Variants in AGAP1 observed in about 807,000 individuals in gnomAD.
AGAP1 encodes arf-GAP with GTPase, ANK repeat and PH domain-containing protein 1.
AGAP1 carries 29 observed loss-of-function variants against 105.3 expected under a neutral mutation model. The observed-to-expected ratio is 0.28, with a 90% CI of 0.21 to 0.38. The LOEUF (loss-of-function observed/expected upper bound fraction) is 0.38, where lower values mean the gene tolerates loss of function less well. Ranked by LOEUF, AGAP1 falls within the 10% of genes least tolerant of loss-of-function variation. The pLI, the probability that AGAP1 is intolerant of heterozygous loss-of-function variation, is 1.00. For missense variants in AGAP1, 998 were observed against 1,165.1 expected (o/e 0.86, Z 2.09); for synonymous variants, 509 against 485.9 (o/e 1.05, Z -0.63).
At chr2:235,847,556 G>C (rs1575605962) in intron 9 of AGAP1, among the ~76,000 whole-genome samples, 1 of 152,192 alleles carries the variant, frequency 6.6e-6, no homozygotes, top group Non-Finnish European at 1.5e-5. Context: ...TCGTAAAACT[G>C]TTCTAGCCAT....
chr2:235,571,932 T>TTGTGTGTGTGTGTGTGTGTGTGTGTG lies in AGAP1; in HGVS notation c.163+77085_163+77110dup, dbSNP rs141898525. Among the ~76,000 whole-genome samples, 305 of 103,648 alleles carry TTGTGTGTGTGTGTGTGTGTGTGTGTG rather than the reference T, an allele frequency of 2.9e-3. 13 individuals are homozygous for TTGTGTGTGTGTGTGTGTGTGTGTGTG. Among genetic ancestry groups the TTGTGTGTGTGTGTGTGTGTGTGTGTG allele is most frequent in the African/African-American group, 0.012 (289 of 24,478 alleles). The allele number at this position is 103,648 out of a possible 152,430, so 68.0% of individuals were successfully genotyped here. A position where few individuals can be genotyped will look rare whatever the true frequency, so the allele number is the denominator to read the frequency against. On this transcript the variant is annotated intron_variant, in intron 1 of 17. Coordinates refer to ENST00000304032, the MANE Select transcript of AGAP1 (RefSeq NM_001037131.3). Reference sequence around the variant, plus strand: ...TCTTTAAAGTTGTCTTGCCCACACTTTGTGTGTGTGTGTGTGTGTGTGTGT... The same window carrying TTGTGTGTGTGTGTGTGTGTGTGTGTG: ...TCTTTAAAGTTGTCTTGCCCACACTTTGTGTGTGTGTGTGTGTGTGTGTGTGTGTGTGTGTGTGTGTGTGTGTGTGT...
At chr2:235,853,817 G>C (rs544651893) in intron 9 of AGAP1, among the ~76,000 whole-genome samples, 2 of 151,966 alleles carry the variant, frequency 1.3e-5, no homozygotes, top group African/African-American at 4.8e-5. Flanking sequence ...AAGGATGGTC[G>C]CTAGCTTGTT....
chr2:235,873,982 A>G (rs547256210), intron 9 of AGAP1, among the ~76,000 whole-genome samples: 8 of 152,154 alleles, frequency 5.3e-5, no homozygotes, highest in Admixed American at 3.3e-4. Flanking sequence ...CCTCGCCTCC[A>G]TCTCCCAAAG....
Position 235,973,975 on chromosome 2 carries a change from T to C in AGAP1, c.1645+5352T>C, listed in dbSNP as rs1410603414. ...GCATTGTCTTTGAATTACAGTACTT[T>C]CTGGGCATCTTCATATCTCGGGTCC... On this transcript the variant is annotated intron_variant, in intron 13 of 17. Coordinates refer to ENST00000304032, the MANE Select transcript of AGAP1 (RefSeq NM_001037131.3). This position sits in a 1 kb window ranked among gnomAD's most constrained non-coding sequence, Gnocchi z 4.7. Among the ~76,000 whole-genome samples the C allele has an allele frequency of 6.6e-6, 1 of 152,182 alleles. No homozygotes were observed. Among genetic ancestry groups the C allele is most frequent in the East Asian group, 1.9e-4 (1 of 5,192 alleles).
chr2:235,708,253 G>T (rs1950650913), intron 1 of AGAP1, among the ~76,000 whole-genome samples: 1 of 152,238 alleles, frequency 6.6e-6, no homozygotes, highest in Non-Finnish European at 1.5e-5. Context: ...TTTTCTATCA[G>T]TGGGATGCAC....
chr2:236,038,528 T>C lies in AGAP1; in HGVS notation c.1800+1813T>C, dbSNP rs2057450059. 6.6e-6 allele frequency among the ~76,000 whole-genome samples: 1 copy of C among 152,090 alleles called. No homozygotes were observed. Among genetic ancestry groups the C allele is most frequent in the Non-Finnish European group, 1.5e-5 (1 of 68,020 alleles). On this transcript the variant is annotated intron_variant, in intron 14 of 17. Transcript: ENST00000304032. This position sits in a 1 kb window ranked among gnomAD's most constrained non-coding sequence, Gnocchi z 4.5. ...CACTAGGCGCCTGTTCTCCAGGGAA[T>C]TGCTCCCTTGGGAGGAGGACGCGTT... is the stretch of plus-strand genomic sequence containing the variant.
At chr2:235,593,319 A>G (rs2149217124) in intron 1 of AGAP1, among the ~76,000 whole-genome samples, 1 of 152,338 alleles carries the variant, frequency 6.6e-6, no homozygotes, top group South Asian at 2.1e-4. Flanking sequence ...TGAGCTTAGG[A>G]AACAAAAGTG....
chr2:235,833,832 TCTCA>T (rs1252639147), intron 9 of AGAP1, among the ~76,000 whole-genome samples: 2 of 150,046 alleles, frequency 1.3e-5, no homozygotes, highest in Non-Finnish European at 3.0e-5. Flanking sequence ...CCTAAGTGCA[TCTCA>T]CTCCAATCCT....
At chr2:235,589,202 T>TTTTTG (rs1553573661) in intron 1 of AGAP1, among the ~76,000 whole-genome samples, 11 of 104,574 alleles carry the variant, frequency 1.1e-4, no homozygotes, top group African/African-American at 5.7e-4. Flanking sequence ...TTGTTTTTTT[T>TTTTTG]TTTTTTTTTT....
chr2:235,791,756 C>G (rs1956990819), intron 6 of AGAP1, among the ~76,000 whole-genome samples: 1 of 152,076 alleles, frequency 6.6e-6, no homozygotes, highest in African/African-American at 2.4e-5. Flanking sequence ...CCATGTTGAC[C>G]AGGCTGGTCC....
rs1006473765 is a variant in AGAP1, at chr2:235,635,942, G to C, written c.164-73237G>C. ...AGCCTGGCCAACATGGTGAAACCCC[G>C]TCTCTACTAAAACTACAAAAATGAG... On this transcript the variant is annotated intron_variant, in intron 1 of 17. Transcript: ENST00000304032. The surrounding 1 kb of genome is among the most constrained non-coding windows in gnomAD (Gnocchi z 5.3). Among the ~76,000 whole-genome samples, 5 of 151,578 alleles carry C rather than the reference G, an allele frequency of 3.3e-5. No individual in the cohort carries two copies. Among genetic ancestry groups the C allele is most frequent in the African/African-American group, 7.3e-5 (3 of 41,224 alleles).
Position 235,596,225 on chromosome 2 carries a change from C to T in AGAP1, c.163+101376C>T, listed in dbSNP as rs1386942411. ...TCCATCTAAGGTGATTAAACGGAGTCAGAACCCGGCCATGGATGTGTATTC... is the reference window on the plus strand; with the variant it reads ...TCCATCTAAGGTGATTAAACGGAGTTAGAACCCGGCCATGGATGTGTATTC... On this transcript the variant is annotated intron_variant, in intron 1 of 17. Coordinates refer to ENST00000304032, the MANE Select transcript of AGAP1 (RefSeq NM_001037131.3). The surrounding 1 kb of genome is among the most constrained non-coding windows in gnomAD (Gnocchi z 5.9). Among the ~76,000 whole-genome samples the T allele has an allele frequency of 6.6e-6, 1 of 152,212 alleles. No homozygotes were observed. The highest frequency in any genetic ancestry group is 1.5e-5 in the Non-Finnish European group (1 of 68,040).
chr2:235,591,739 GCT>G (rs2149213764), intron 1 of AGAP1, among the ~76,000 whole-genome samples: 1 of 152,258 alleles, frequency 6.6e-6, no homozygotes, highest in East Asian at 1.9e-4. Context: ...GTGAATTCTT[GCT>G]CTGATAGTTC....
chr2:236,111,505 AAG>A (rs143443604), intron 16 of AGAP1, among the ~76,000 whole-genome samples: 68 of 151,240 alleles, frequency 4.5e-4, no homozygotes, highest in African/African-American at 1.5e-3. Flanking sequence ...TAAAAAAAAA[AAG>A]AGAGAGAAGA....
Position 236,083,109 on chromosome 2 carries a change from C to T in AGAP1, c.2114+33828C>T, listed in dbSNP as rs1352932867. On this transcript the variant is annotated intron_variant, in intron 16 of 17. Coordinates refer to ENST00000304032, the MANE Select transcript of AGAP1 (RefSeq NM_001037131.3). This position sits in a 1 kb window ranked among gnomAD's most constrained non-coding sequence, Gnocchi z 5.3. ...GGCATAGGTTGCAGTGAGCCGAGAT[C>T]ACGCCATTGCACTCCAGCCTAGGCA... Among the ~76,000 whole-genome samples, 1 of 151,830 alleles carries T rather than the reference C, an allele frequency of 6.6e-6. No individual in the cohort carries two copies. The highest frequency in any genetic ancestry group is 2.4e-5 in the African/African-American group (1 of 41,308).
chr2:235,948,816 A>G (rs2053609184), intron 12 of AGAP1, among the ~76,000 whole-genome samples: 2 of 152,176 alleles, frequency 1.3e-5, no homozygotes, highest in Non-Finnish European at 2.9e-5. Flanking sequence ...CACACAGTCA[A>G]GAAAATGACA....
Position 235,875,527 on chromosome 2 carries a change from C to T in AGAP1, c.1051-7818C>T, listed in dbSNP as rs2049680908. The stretch of plus-strand genomic sequence containing the variant: ...TTTGAGTCACGTGCTTACTGTGTGT[C>T]GGAACACTTGTGCTTTGAAGGCTGC... On this transcript the variant is annotated intron_variant, in intron 9 of 17. Transcript: ENST00000304032. The surrounding 1 kb of genome is among the most constrained non-coding windows in gnomAD (Gnocchi z 4.0). 6.6e-6 allele frequency among the ~76,000 whole-genome samples: 1 copy of T among 152,156 alleles called. No individual in the cohort carries two copies. The highest frequency in any genetic ancestry group is 1.5e-5 in the Non-Finnish European group (1 of 68,036).
chr2:236,004,252 G>A (rs895489258), intron 13 of AGAP1, among the ~76,000 whole-genome samples: 4 of 152,056 alleles, frequency 2.6e-5, no homozygotes, highest in Non-Finnish European at 5.9e-5. Context: ...GATGTGCCTC[G>A]GTGAATTTCA....
chr2:235,974,570 C>T (rs559815652), intron 13 of AGAP1, among the ~76,000 whole-genome samples: 4 of 152,304 alleles, frequency 2.6e-5, no homozygotes, highest in Non-Finnish European at 4.4e-5. Flanking sequence ...TGGTCTTTAT[C>T]GCACCATTGT....
Sources: allele counts gnomAD v4.1 joint callset (sites outside exome capture counted in the v4.1 genomes callset), GRCh38; gene constraint gnomAD v4.1.1; non-coding constraint Gnocchi (gnomAD v3.1); transcripts MANE v1.5; gene names NCBI Gene and HGNC (gene_info 2026-07-23, HGNC 2026-07-21).